Variants in THEMIS observed in about 807,000 individuals in gnomAD.
THEMIS encodes the protein thymocyte selection associated.
THEMIS carries 37 observed loss-of-function variants against 52.6 expected under a neutral mutation model. That is an observed-to-expected ratio of 0.70 (90% CI 0.54 to 0.93). THEMIS has a LOEUF of 0.93. THEMIS is among the 40% of genes least tolerant of loss of function. The pLI, the probability that THEMIS is intolerant of heterozygous loss-of-function variation, is 0.00. For missense variants in THEMIS, 808 were observed against 763.1 expected, an observed-to-expected ratio of 1.06 and a Z score of -0.69; for synonymous variants, 292 against 272.7, an observed-to-expected ratio of 1.07 and a Z score of -0.70.
chr6:127,838,597 A>G (rs1412375617), intron 2 of THEMIS, among the ~76,000 whole-genome samples: 1 of 152,080 alleles, frequency 6.6e-6, no homozygotes, highest in Non-Finnish European at 1.5e-5. Flanking sequence ...TTGCAACTTG[A>G]AAGTTGTTTC....
intron 1 of THEMIS, among the ~76,000 whole-genome samples, chr6:127,888,247 T>A (rs1780703032): frequency 6.6e-6 from 1 of 152,082 alleles, no homozygotes; most frequent in African/African-American, 2.4e-5. Context: ...ATTACCCATA[T>A]AAGATTTTTA....
At chr6:127,836,285 G>A (rs1393823933) in intron 2 of THEMIS, among the ~76,000 whole-genome samples, 1 of 152,132 alleles carries the variant, frequency 6.6e-6, no homozygotes, top group Non-Finnish European at 1.5e-5. Flanking sequence ...TTATGCTTAT[G>A]ATTATGTAAA....
rs370414403 is a variant in THEMIS at position 127,817,225 on chromosome 6, T to C, written c.710-3294A>G. Among the ~76,000 whole-genome samples, 30 of 152,272 alleles carry C rather than the reference T, an allele frequency of 2.0e-4. No individual in the cohort carries two copies. The South Asian group carries it at 6.0e-3, about 30-fold the overall frequency. ...GTCTAGAGTGGCACCTGGCGTATAG[T>C]AGATACTCAATAAATGAATTAATGA... is the stretch of plus-strand genomic sequence containing the variant. On this transcript the variant is annotated intron_variant, in intron 3 of 5. Transcript: ENST00000368248.
intron 4 of THEMIS, among the ~76,000 whole-genome samples, chr6:127,761,681 C>G (rs78698583): frequency 1.4e-3 from 208 of 152,222 alleles, no homozygotes; most frequent in African/African-American, 4.7e-3. Context: ...CAGGGAGCAG[C>G]CCACCCTTTT....
chr6:127,754,037 A>T (rs896591390), intron 4 of THEMIS, among the ~76,000 whole-genome samples: 1 of 152,162 alleles, frequency 6.6e-6, no homozygotes, highest in African/African-American at 2.4e-5. Flanking sequence ...TCCTCAACTC[A>T]TTGAGCTGTA....
intron 4 of THEMIS, among the ~76,000 whole-genome samples, chr6:127,763,251 T>C (rs889939531): frequency 1.3e-5 from 2 of 152,020 alleles, no homozygotes; most frequent in African/African-American, 4.8e-5. Flanking sequence ...CTCTATGTGA[T>C]TAAAATAGTC....
chr6:127,839,566 AG>A (rs1343778251), intron 2 of THEMIS, among the ~76,000 whole-genome samples: 2 of 151,860 alleles, frequency 1.3e-5, no homozygotes, highest in East Asian at 3.9e-4. Context: ...GTAGTGGTGG[AG>A]TCACAGATCA....
At chr6:127,857,093 T>C (rs1375165454) in intron 1 of THEMIS, among the ~76,000 whole-genome samples, 7 of 150,890 alleles carry the variant, frequency 4.6e-5, no homozygotes, top group Admixed American at 4.6e-4. Flanking sequence ...AAACCTACTA[T>C]GTTGGCGATT....
At chr6:127,771,568 A>T (rs1338539801) in intron 4 of THEMIS, among the ~76,000 whole-genome samples, 2 of 152,190 alleles carry the variant, frequency 1.3e-5, no homozygotes, top group African/African-American at 4.8e-5. Context: ...AAACAGATAT[A>T]TAGACCAATG....
At chr6:127,832,777 C>CTTTTTT (rs11355741) in intron 2 of THEMIS, among the ~76,000 whole-genome samples, 20,703 of 57,606 alleles carry the variant, frequency 0.36, 6,161 homozygotes, top group East Asian at 0.47. Flanking sequence ...ATTGTCAGAT[C>CTTTTTT]TTTTTTTTTT....
chr6:127,697,076 C>T, the THEMIS span, among the ~76,000 whole-genome samples: 2 of 152,064 alleles, frequency 1.3e-5, no homozygotes, highest in Non-Finnish European at 2.9e-5. Context: ...GACCCCTCTC[C>T]CGACTCATAT....
At chr6:127,896,772 A>G (rs1459099251) in intron 1 of THEMIS, among the ~76,000 whole-genome samples, 1 of 151,594 alleles carries the variant, frequency 6.6e-6, no homozygotes, top group Non-Finnish European at 1.5e-5. Context: ...TACCTTTTAC[A>G]TAATTAAATC....
At chr6:127,887,681 G>A (rs570091675) in intron 1 of THEMIS, among the ~76,000 whole-genome samples, 1 of 152,218 alleles carries the variant, frequency 6.6e-6, no homozygotes, top group South Asian at 2.1e-4. Context: ...CAGATCAGTT[G>A]TTGCCTAGGG....
At chr6:127,743,263 T>C (rs1360507535) in intron 4 of THEMIS, among the ~76,000 whole-genome samples, 3 of 152,298 alleles carry the variant, frequency 2.0e-5, no homozygotes, top group Non-Finnish European at 2.9e-5. Flanking sequence ...ATCACTTGAC[T>C]GCTACTCTTC....
chr6:127,702,326 T>G, the THEMIS span, among the ~76,000 whole-genome samples: 1 of 152,204 alleles, frequency 6.6e-6, no homozygotes, highest in Non-Finnish European at 1.5e-5. Flanking sequence ...TACTTCTTTA[T>G]TCTTCTTGAA....
intron 4 of THEMIS, among the ~76,000 whole-genome samples, chr6:127,724,227 T>G (rs1774461259): frequency 6.6e-6 from 1 of 152,140 alleles, no homozygotes; most frequent in South Asian, 2.1e-4. Context: ...AATAAACTCA[T>G]TACAGAAATC....
At chr6:127,718,843 G>A (rs1774262442) in intron 5 of THEMIS, among the ~76,000 whole-genome samples, 1 of 151,816 alleles carries the variant, frequency 6.6e-6, no homozygotes, top group Non-Finnish European at 1.5e-5. Flanking sequence ...TCAGAAGCCA[G>A]TAAGCTAACT....
intron 4 of THEMIS, among the ~76,000 whole-genome samples, chr6:127,750,044 T>C (rs997071419): frequency 9.4e-5 from 14 of 148,540 alleles, no homozygotes; most frequent in African/African-American, 3.2e-4. Flanking sequence ...TTATCAGACA[T>C]ACTCTAACAA....
Position 127,738,563 on chromosome 6 carries a change from C to T in THEMIS, c.1759-18740G>A, listed in dbSNP as rs180914356. 5.0e-4 allele frequency among the ~76,000 whole-genome samples: 76 copies of T among 152,290 alleles called. No homozygotes were observed. The East Asian group carries it at 0.01, about 20-fold the overall frequency. ...ATTGTAAATTCCAGACTACTACCTA[C>T]GACCTTGACGATTATTCTGCAACTC... is the stretch of plus-strand genomic sequence containing the variant. On this transcript the variant is annotated intron_variant, in intron 4 of 5. Coordinates refer to ENST00000368248, the MANE Select transcript of THEMIS (RefSeq NM_001010923.3).
Sources: gnomAD v4.1 joint callset for allele counts (sites outside exome capture counted in the v4.1 genomes callset) on GRCh38, gnomAD v4.1.1 for gene constraint, MANE v1.5 for transcripts, NCBI Gene and HGNC (gene_info 2026-07-23, HGNC 2026-07-21) for gene names.